The following MMS19 variants were observed in gnomAD, a reference collection of about 807,000 sequenced individuals.
MMS19 encodes MMS19 cytosolic iron-sulfur assembly component.
In MMS19, 77 loss-of-function variants were observed where a neutral mutation model predicts 129.8. The observed-to-expected ratio is 0.59, with a 90% CI of 0.49 to 0.72. The LOEUF (loss-of-function observed/expected upper bound fraction) is 0.72, where lower values mean the gene tolerates loss of function less well. Among genes scored for constraint, MMS19 ranks in the 30% least tolerant of loss-of-function variants. The pLI, the probability that MMS19 is intolerant of heterozygous loss-of-function variation, is 0.00. For synonymous variants in MMS19, 491 were observed against 502.8 expected, an observed-to-expected ratio of 0.98 and a Z score of 0.31; for missense variants, 1,168 against 1,266.3, an observed-to-expected ratio of 0.92 and a Z score of 1.18.
intron 9 of MMS19, 61 bp from the exon 10 acceptor site, chr10:97,470,264 C>A: frequency 8.5e-7 from 1 of 1,174,110 alleles, no homozygotes; most frequent in South Asian, 1.3e-5. Context: ...ACATCAAGGT[C>A]AACCCTGTCC....
At chr10:97,475,759 A>G (rs2035640941) in intron 8 of MMS19, among the ~76,000 whole-genome samples, 1 of 152,152 alleles carries the variant, frequency 6.6e-6, no homozygotes, top group Non-Finnish European at 1.5e-5. Context: ...ACCAAACCAA[A>G]ACAAACAAAA....
At chr10:97,487,594 C>T (rs1445006922) in intron 1 of MMS19, among the ~76,000 whole-genome samples, 1 of 152,028 alleles carries the variant, frequency 6.6e-6, no homozygotes, top group South Asian at 2.1e-4. Context: ...GCTGGGATTA[C>T]AGGCGTGAGC....
chr10:97,478,306 G>C lies in MMS19; in HGVS notation c.346C>G (p.Leu116Val). The change falls in exon 4 of 31, where the codon CTT becomes GTT. Residue 116 changes from leucine to valine, a missense_variant and splice_region_variant. Transcript: ENST00000438925. The part of the protein sequence containing the change: ...IPSVLQGLKA[L>V]SLCVALPPGL... Reference sequence around the variant, plus strand: ...TAATGAAATGAAGGAAAACTCACAAGTGCCTTCAAACCCTGCAGGACAGAT... The same window carrying C: ...TAATGAAATGAAGGAAAACTCACAACTGCCTTCAAACCCTGCAGGACAGAT... The C allele has an allele frequency of 6.3e-7, 1 of 1,594,324 alleles. No homozygotes were observed.
rs1413963444 is a variant in MMS19, at chr10:97,470,796, A to C, written c.750T>G (p.Ala250=). 6.2e-7 allele frequency: 1 copy of C among 1,613,404 alleles called. No individual in the cohort carries two copies. The highest frequency in any genetic ancestry group is 2.2e-5 in the East Asian group (1 of 44,860). The change falls in exon 9 of 31, where the codon GCT becomes GCG. Residue 250 remains alanine (A), a synonymous_variant. Coordinates refer to ENST00000438925, the MANE Select transcript of MMS19 (RefSeq NM_022362.5). ...CCACCTCAGCAAATCGTGGTGTAGA[A>C]GCCAGCACAGCGCGAAGACTCAGGA... is the stretch of plus-strand genomic sequence containing the variant. ...DLILSLRAVL[A]STPRFAEFLL...
intron 1 of MMS19, among the ~76,000 whole-genome samples, chr10:97,486,597 TA>T (rs1378795216): frequency 1.3e-5 from 2 of 152,054 alleles, no homozygotes; most frequent in African/African-American, 4.8e-5. Flanking sequence ...ATGGAGAATC[TA>T]AAAAAGTTTA....
At position 97,462,730 on chromosome 10, in the gene MMS19, C is replaced by G. The variant is rs375907302; in HGVS notation, c.1913-48G>C. 4.2e-6 allele frequency: 6 copies of G among 1,430,086 alleles called. No individual in the cohort carries two copies. In the African/African-American group the frequency reaches 8.4e-5, roughly 20 times the overall value. 88.6% of individuals were successfully genotyped at this position (1,430,086 alleles called of 1,614,324 possible). Reference sequence around the variant, plus strand: ...CACAATCACAAGACCATGACGGGTTCAAGAAATGAATGATTGGGTTCTGTC... The same window carrying G: ...CACAATCACAAGACCATGACGGGTTGAAGAAATGAATGATTGGGTTCTGTC... On this transcript the variant is annotated intron_variant, in intron 19 of 30. Coordinates refer to ENST00000438925, the MANE Select transcript of MMS19 (RefSeq NM_022362.5).
intron 8 of MMS19, among the ~76,000 whole-genome samples, chr10:97,471,064 G>C (rs1260119500): frequency 6.6e-6 from 1 of 152,130 alleles, no homozygotes; most frequent in Non-Finnish European, 1.5e-5. Context: ...TAAAAAATCT[G>C]ATTACACATT....
intron 1 of MMS19, among the ~76,000 whole-genome samples, chr10:97,484,895 C>T (rs1301485393): frequency 6.6e-6 from 1 of 152,144 alleles, no homozygotes; most frequent in South Asian, 2.1e-4. Flanking sequence ...CCTCCCACCT[C>T]AGCCTCCCCA....
chr10:97,482,737 T>TATATACAC (rs1369918391), intron 2 of MMS19, among the ~76,000 whole-genome samples: 3 of 98,394 alleles, frequency 3.0e-5, no homozygotes, highest in African/African-American at 1.1e-4. Context: ...TGTATATATA[T>TATATACAC]ACACACACAC....
At chr10:97,479,759 CTACATA>C (rs2036417764) in intron 3 of MMS19, among the ~76,000 whole-genome samples, 1 of 151,538 alleles carries the variant, frequency 6.6e-6, no homozygotes, top group Non-Finnish European at 1.5e-5. Context: ...GTAAAAACAT[CTACATA>C]TAAACAATGC....
intron 3 of MMS19, 124 bp from the exon 4 acceptor site, chr10:97,478,513 C>G: frequency 2.9e-6 from 2 of 680,600 alleles, no homozygotes; most frequent in Admixed American, 2.5e-5. Context: ...TCTCTTTCAC[C>G]AAGAGACATG....
intron 1 of MMS19, among the ~76,000 whole-genome samples, chr10:97,489,783 G>T (rs1347125529): frequency 6.6e-6 from 1 of 152,148 alleles, no homozygotes; most frequent in African/African-American, 2.4e-5. Flanking sequence ...TCCCCAATTT[G>T]CATTTGTTTG....
intron 3 of MMS19, among the ~76,000 whole-genome samples, chr10:97,479,102 T>C (rs955595447): frequency 2.0e-5 from 3 of 152,156 alleles, no homozygotes; most frequent in Admixed American, 6.5e-5. Flanking sequence ...TCCCTCCCTC[T>C]GCCTCTATAC....
chr10:97,470,786 G>A lies in MMS19; in HGVS notation c.760C>T (p.Arg254Ter), dbSNP rs765501642. ...SLRAVLASTP[R>*]FAEFLLPLLI... ...TTGGCTAGACCCACCTCAGCAAATC[G>A]TGGTGTAGAAGCCAGCACAGCGCGA... The change falls in exon 9 of 31, where the codon CGA becomes TGA. Residue 254 changes from arginine (R) to a stop codon, truncating the protein, a stop_gained. Coordinates refer to ENST00000438925, the MANE Select transcript of MMS19 (RefSeq NM_022362.5). LOFTEE classifies it high-confidence loss of function. The A allele has an allele frequency of 3.1e-6, 5 of 1,612,436 alleles. No homozygotes were observed. The highest frequency in any genetic ancestry group is 1.3e-5 in the African/African-American group (1 of 74,880).
rs112855813 is a variant in MMS19, at chr10:97,458,480, G to A, written c.*212C>T. The A allele has an allele frequency of 3.5e-5, 20 of 564,916 alleles. No homozygotes were observed. The highest frequency in any genetic ancestry group is 1.9e-4 in the Admixed American group (6 of 30,980). The allele number at this position is 564,916 out of a possible 1,614,324, so 35.0% of individuals were successfully genotyped here. On this transcript the variant is annotated 3_prime_UTR_variant, in exon 31 of 31. Transcript: ENST00000438925. ...CAGGACCCTAGATCTTTCTTCAAAC[G>A]CAAGTGTCTCACACACACTTATTTT...
intron 6 of MMS19, 88 bp downstream of exon 6, chr10:97,477,259 A>G: frequency 1.9e-6 from 3 of 1,606,672 alleles, no homozygotes; most frequent in South Asian, 1.1e-5. Context: ...GCTCTTCTAT[A>G]TAACCCCAGG....
chr10:97,470,312 AGC>A, intron 9 of MMS19, 109 bp from the exon 10 acceptor site: 2 of 767,990 alleles, frequency 2.6e-6, no homozygotes, highest in Non-Finnish European at 4.6e-6. Flanking sequence ...TACATCAAGG[AGC>A]TGTACTCAAG....
In MMS19 at chr10:97,458,685, T is replaced by TG. The variant is rs1201779656; in HGVS notation, c.*6dup. 2 of 1,606,826 alleles carry TG rather than the reference T, an allele frequency of 1.2e-6. No individual in the cohort carries two copies. The highest frequency in any genetic ancestry group is 1.7e-6 in the Non-Finnish European group (2 of 1,176,472). On this transcript the variant is annotated 3_prime_UTR_variant, in exon 31 of 31. Coordinates refer to ENST00000438925, the MANE Select transcript of MMS19 (RefSeq NM_022362.5). ...TTGTCAGAACAGTCTAGGCCAGGAC[T>TG]GAGGGCTCAGCTGCCAGGGCTCCCC...
chr10:97,477,085 T>G, intron 6 of MMS19, 122 bp from the exon 7 acceptor site: 1 of 1,534,112 alleles, frequency 6.5e-7, no homozygotes. Flanking sequence ...CTGACCCTTT[T>G]TCCATTCCAA....
Sources: gnomAD v4.1 joint callset for allele counts (sites outside exome capture counted in the v4.1 genomes callset) on GRCh38, gnomAD v4.1.1 for gene constraint, MANE v1.5 for transcripts, NCBI Gene and HGNC (gene_info 2026-07-23, HGNC 2026-07-21) for gene names.